GNB3: variants seen among roughly 807,000 people sequenced by gnomAD.
The protein encoded by GNB3 is guanine nucleotide-binding protein G(I)/G(S)/G(T) subunit beta-3.
GNB3 carries 33 observed loss-of-function variants against 41.2 expected under a neutral mutation model. The observed-to-expected ratio is 0.80, with a 90% confidence interval of 0.61 to 1.07. The LOEUF (loss-of-function observed/expected upper bound fraction) is 1.07, where lower values mean the gene tolerates loss of function less well. Ranked by LOEUF, GNB3 falls within the 50% of genes least tolerant of loss-of-function variation. The pLI is 0.00. For missense variants in GNB3, 409 were observed against 455.3 expected (o/e 0.90, Z 0.92); for synonymous variants, 172 against 173.4 (o/e 0.99, Z 0.06).
intron 3 of GNB3, among the ~76,000 whole-genome samples, chr12:6,842,074 A>G (rs1943586367): frequency 6.6e-6 from 1 of 152,234 alleles, no homozygotes; most frequent in African/African-American, 2.4e-5. Context: ...TTAGTGATGC[A>G]TCTTAGATTG....
chr12:6,846,399 C>A (rs927393443), intron 9 of GNB3: 2 of 175,062 alleles, frequency 1.1e-5, no homozygotes, highest in Non-Finnish European at 1.2e-5. Context: ...GAACGGTTGC[C>A]TTCTCTTTTC....
At position 6,841,610 on chromosome 12, in the gene GNB3, G is replaced by C. The variant is rs782608914; in HGVS notation, c.82G>C (p.Val28Leu). 1.2e-6 allele frequency: 2 copies of C among 1,613,496 alleles called. No individual in the cohort carries two copies. Among genetic ancestry groups the C allele is most frequent in the Non-Finnish European group, 1.7e-6 (2 of 1,179,666 alleles). ...IADARKACAD[V>L]TLAELVSGLE... ...GGATGCCAGGAAAGCCTGTGCTGAC[G>C]TTACTCTGGCAGAGGTAAGACCCCC... Residue 28 changes from valine (V) to leucine (L), a missense_variant, in exon 3 of 10, where the codon GTT (valine) becomes CTT (leucine). Physicochemically the swap from Val to Leu is conservative, Grantham distance 32. Transcript: ENST00000229264.
rs372997527 is a variant in GNB3, at chr12:6,843,742, G to A, written c.498-35G>A. The A allele has an allele frequency of 1.7e-5, 28 of 1,611,378 alleles. No homozygotes were observed. Among genetic ancestry groups the A allele is most frequent in the East Asian group, 1.6e-4 (7 of 44,882 alleles). On this transcript the variant is annotated intron_variant, in intron 7 of 9. Transcript: ENST00000229264. The surrounding 1 kb of genome is among the most constrained non-coding windows in gnomAD (Gnocchi z 5.9). ...GGTGCTGGGGCTTGGGAGTGGGCCCGGCCTTTCTCTAACAGTCTCCCTCCA... is the reference window on the plus strand; with the variant it reads ...GGTGCTGGGGCTTGGGAGTGGGCCCAGCCTTTCTCTAACAGTCTCCCTCCA...
At chr12:6,845,003 T>C (rs115208126) in intron 8 of GNB3, 2 of 152,614 alleles carry the variant, frequency 1.3e-5, no homozygotes, top group African/African-American at 2.4e-5. Context: ...ATGTCCATAA[T>C]AGCTCATGTT....
intron 3 of GNB3, among the ~76,000 whole-genome samples, chr12:6,842,757 G>A (rs1029201624): frequency 2.0e-5 from 3 of 152,198 alleles, no homozygotes; most frequent in Non-Finnish European, 2.9e-5. Flanking sequence ...AGAGGTGCTT[G>A]TTAAACACTT....
Position 6,844,102 on chromosome 12 carries a change from T to C in GNB3, c.699+124T>C, listed in dbSNP as rs1224765999. On this transcript the variant is annotated intron_variant, in intron 8 of 9. Coordinates refer to ENST00000229264, the MANE Select transcript of GNB3 (RefSeq NM_002075.4). Reference sequence around the variant, plus strand: ...AGCCCTTTCTTACTGTATTTTTTTTTTTTTTTTTTTTTTTTTTGAGACAGA... The same window carrying C: ...AGCCCTTTCTTACTGTATTTTTTTTCTTTTTTTTTTTTTTTTTGAGACAGA... 135 of 614,698 alleles carry C rather than the reference T, an allele frequency of 2.2e-4. 5 individuals are homozygous for C. The African/African-American group carries it at 2.4e-3, about 11-fold the overall frequency. 38.1% of individuals were successfully genotyped at this position (614,698 alleles called of 1,614,324 possible).
At chr12:6,844,093 ATTTTTTT>A (rs34871066) in intron 8 of GNB3, 115 bp downstream of exon 8, 55 of 258,094 alleles carry the variant, frequency 2.1e-4, no homozygotes, top group South Asian at 4.2e-4. Flanking sequence ...TTCTTACTGT[ATTTTTTT>A]TTTTTTTTTT....
Position 6,843,862 on chromosome 12 carries a change from G to A in GNB3, c.583G>A (p.Asp195Asn). Reference sequence around the variant, plus strand: ...CTGCATGAGCCTGGCTGTGTCTCCTGACTTCAATCTCTTCATTTCGGGGGC... The same window carrying A: ...CTGCATGAGCCTGGCTGTGTCTCCTAACTTCAATCTCTTCATTTCGGGGGC... The part of the protein sequence containing the change: ...GDCMSLAVSP[D>N]FNLFISGACD... Residue 195 changes from aspartate to asparagine, a missense_variant, in exon 8 of 10, where the codon GAC becomes AAC. Coordinates refer to ENST00000229264, the MANE Select transcript of GNB3 (RefSeq NM_002075.4). The surrounding 1 kb of genome is among the most constrained non-coding windows in gnomAD (Gnocchi z 5.9). 1.2e-6 allele frequency: 2 copies of A among 1,613,986 alleles called. No homozygotes were observed. Among genetic ancestry groups the A allele is most frequent in the Non-Finnish European group, 1.7e-6 (2 of 1,179,886 alleles).
In GNB3 at chr12:6,843,391, G is replaced by A; in HGVS notation, c.296G>A (p.Trp99Ter). Residue 99 changes from tryptophan (W) to a stop codon, truncating the protein, a stop_gained, in exon 6 of 10, where the codon TGG becomes TAG. Transcript: ENST00000229264. LOFTEE classifies it high-confidence loss of function. The surrounding 1 kb of genome is among the most constrained non-coding windows in gnomAD (Gnocchi z 5.9). Reference sequence around the variant, plus strand: ...CACGCCATCCCACTGCGCTCCTCCTGGGTCATGACCTGTGCCTATGCCCCA... The same window carrying A: ...CACGCCATCCCACTGCGCTCCTCCTAGGTCATGACCTGTGCCTATGCCCCA... Reference protein sequence around the residue: ...KVHAIPLRSSWVMTCAYAPSG... With the variant: ...KVHAIPLRSS 6.2e-7 allele frequency: 1 copy of A among 1,614,170 alleles called. No homozygotes were observed. Among genetic ancestry groups the A allele is most frequent in the Non-Finnish European group, 8.5e-7 (1 of 1,180,022 alleles).
chr12:6,846,432 G>A (rs781879995), intron 9 of GNB3: 285 of 194,560 alleles, frequency 1.5e-3, no homozygotes, highest in African/African-American at 6.2e-3. Context: ...AGGTGCCCTC[G>A]GGTTTTTTCA....
intron 9 of GNB3, chr12:6,846,014 C>G: frequency 3.5e-6 from 2 of 571,034 alleles, no homozygotes; most frequent in East Asian, 5.8e-5. Context: ...CTCTCCACTG[C>G]CCAATGCCAT....
rs782595884 is a variant in GNB3, at chr12:6,843,384, T to A, written c.289T>A (p.Ser97Thr). The A allele has an allele frequency of 6.2e-7, 1 of 1,614,154 alleles. No individual in the cohort carries two copies. Among genetic ancestry groups the A allele is most frequent in the South Asian group, 1.1e-5 (1 of 91,082 alleles). Residue 97 changes from serine (S) to threonine (T), a missense_variant, in exon 6 of 10, where the codon TCC becomes ACC. By Grantham distance (58) the Ser-to-Thr change is moderately conservative. Transcript: ENST00000229264. This position sits in a 1 kb window ranked among gnomAD's most constrained non-coding sequence, Gnocchi z 5.9. ...TNKVHAIPLRSSWVMTCAYAP... is the reference protein window; with the variant it reads ...TNKVHAIPLRTSWVMTCAYAP... ...GCAGGTGCACGCCATCCCACTGCGC[T>A]CCTCCTGGGTCATGACCTGTGCCTA...
chr12:6,842,185 T>C (rs1943587693), intron 3 of GNB3, among the ~76,000 whole-genome samples: 1 of 152,160 alleles, frequency 6.6e-6, no homozygotes, highest in Non-Finnish European at 1.5e-5. Flanking sequence ...CTCTGTAAGG[T>C]AGGTGCTATG....
At chr12:6,845,515 A>G in intron 8 of GNB3, 71 bp from the exon 9 acceptor site, 1 of 1,013,208 alleles carries the variant, frequency 9.9e-7, no homozygotes, top group Non-Finnish European at 1.5e-6. Context: ...GTCAGGTGGG[A>G]GGCAGAGGGC....
At chr12:6,841,174 T>G in intron 1 of GNB3, 84 bp from the exon 2 acceptor site, 13 of 804,192 alleles carry the variant, frequency 1.6e-5, no homozygotes, top group African/African-American at 1.7e-5. Flanking sequence ...CGTTTCCCTG[T>G]GTCTTGGAGT....
chr12:6,841,631 C>T lies in GNB3; in HGVS notation c.96+7C>T, dbSNP rs13306407. 3 of 1,607,942 alleles carry T rather than the reference C, an allele frequency of 1.9e-6. No individual in the cohort carries two copies. The East Asian group carries it at 6.7e-5, about 36-fold the overall frequency. On this transcript the variant is annotated splice_region_variant and intron_variant, in intron 3 of 9. Coordinates refer to ENST00000229264, the MANE Select transcript of GNB3 (RefSeq NM_002075.4). ...TGACGTTACTCTGGCAGAGGTAAGA[C>T]CCCCTGTCCCCCGGAAGGCAGGGCA...
In GNB3 at chr12:6,846,823, C is replaced by A; in HGVS notation, c.948C>A (p.Ser316Arg). Residue 316 changes from serine (S) to arginine (R), a missense_variant, in exon 10 of 10, where the codon AGC becomes AGA. Ser to Arg is a moderately radical substitution (Grantham distance 110, BLOSUM62 -1). Coordinates refer to ENST00000229264, the MANE Select transcript of GNB3 (RefSeq NM_002075.4). ...TCTCTGGCCACGATAACAGGGTGAG[C>A]TGCCTGGGAGTCACAGCTGACGGGA... Reference protein sequence around the residue: ...GILSGHDNRVSCLGVTADGMA... With the variant: ...GILSGHDNRVRCLGVTADGMA... 6.2e-7 allele frequency: 1 copy of A among 1,600,346 alleles called. No individual in the cohort carries two copies. The highest frequency in any genetic ancestry group is 1.7e-5 in the Admixed American group (1 of 58,024).
Position 6,846,789 on chromosome 12 carries a change from C to T in GNB3, c.917-3C>T. 2.6e-6 allele frequency: 4 copies of T among 1,566,396 alleles called. No individual in the cohort carries two copies. Among genetic ancestry groups the T allele is most frequent in the Non-Finnish European group, 1.7e-6 (2 of 1,148,486 alleles). On this transcript the variant is annotated splice_polypyrimidine_tract_variant and splice_region_variant and intron_variant, in intron 9 of 9. Coordinates refer to ENST00000229264, the MANE Select transcript of GNB3 (RefSeq NM_002075.4). ...CAGGCTGACTCCTTTCCCTCTTCCT[C>T]AGGCATCCTCTCTGGCCACGATAAC...
Position 6,846,850 on chromosome 12 carries a change from G to A in GNB3, c.975G>A (p.Met325Ile), listed in dbSNP as rs980402875. The A allele has an allele frequency of 5.6e-6, 9 of 1,602,184 alleles. No individual in the cohort carries two copies. The highest frequency in any genetic ancestry group is 6.8e-6 in the Non-Finnish European group (8 of 1,174,422). Residue 325 changes from methionine (M) to isoleucine (I), a missense_variant, in exon 10 of 10, where the codon ATG (methionine) becomes ATA (isoleucine). Coordinates refer to ENST00000229264, the MANE Select transcript of GNB3 (RefSeq NM_002075.4). ...VSCLGVTADGMAVATGSWDSF... is the reference protein window; with the variant it reads ...VSCLGVTADGIAVATGSWDSF... ...GCCTGGGAGTCACAGCTGACGGGAT[G>A]GCTGTGGCCACAGGTTCCTGGGACA...
Sources: allele counts gnomAD v4.1 joint callset (sites outside exome capture counted in the v4.1 genomes callset), GRCh38; gene constraint gnomAD v4.1.1; non-coding constraint Gnocchi (gnomAD v3.1); transcripts MANE v1.5; gene names NCBI Gene and HGNC (gene_info 2026-07-23, HGNC 2026-07-21).